The following ALK variants were observed in gnomAD, a reference collection of about 807,000 sequenced individuals.
ALK encodes the protein ALK receptor tyrosine kinase.
Under a neutral mutation model 163.1 loss-of-function variants are expected in ALK, and 74 were observed. That is an observed-to-expected ratio of 0.45 (90% CI 0.38 to 0.55). The LOEUF (loss-of-function observed/expected upper bound fraction) is 0.55, where lower values mean the gene tolerates loss of function less well. ALK is among the 20% of genes least tolerant of loss of function. ALK has a pLI of 0.00. For synonymous variants in ALK, 960 were observed against 843.2 expected, an observed-to-expected ratio of 1.14 and a Z score of -2.40; for missense variants, 2,063 against 2,105.3, an observed-to-expected ratio of 0.98 and a Z score of 0.39.
chr2:29,504,229 G>T (rs556190559), intron 4 of ALK, among the ~76,000 whole-genome samples: 1 of 152,178 alleles, frequency 6.6e-6, no homozygotes, highest in South Asian at 2.1e-4. Context: ...CCAGTGGCCA[G>T]GAGAAACAGA....
At chr2:29,845,465 G>GCT (rs1393674714) in intron 1 of ALK, among the ~76,000 whole-genome samples, 1 of 151,636 alleles carries the variant, frequency 6.6e-6, no homozygotes, top group East Asian at 1.9e-4. Flanking sequence ...ACAGAGTTTT[G>GCT]CTCGTGTCAC....
intron 3 of ALK, among the ~76,000 whole-genome samples, chr2:29,617,078 T>C (rs1317429456): frequency 6.6e-6 from 1 of 152,146 alleles, no homozygotes; most frequent in African/African-American, 2.4e-5. Context: ...CCTTCCCCTC[T>C]TTGAAAAGAA....
intron 1 of ALK, among the ~76,000 whole-genome samples, chr2:29,751,769 C>G (rs1680371967): frequency 6.6e-6 from 1 of 152,172 alleles, no homozygotes; most frequent in Non-Finnish European, 1.5e-5. Context: ...CAAGTGTCCA[C>G]CACGTCTTCA....
rs373764155 is a variant in ALK, at chr2:29,207,278, G to GGGA, written c.3837-9_3837-7dup. The GGGA allele has an allele frequency of 4.9e-4, 788 of 1,612,734 alleles. 2 individuals are homozygous for GGGA. In the African/African-American group the frequency reaches 9.2e-3, roughly 19 times the overall value. On this transcript the variant is annotated splice_region_variant and splice_polypyrimidine_tract_variant and intron_variant, in intron 25 of 28. Transcript: ENST00000389048. ...CCTTTCTATAGTAGCTCGCCCTGTG[G>GGGA]GGAAGGAGAGGAAAACCAAACTAGG...
chr2:29,571,595 C>T (rs184990266), intron 3 of ALK, among the ~76,000 whole-genome samples: 20 of 120,466 alleles, frequency 1.7e-4, no homozygotes, highest in African/African-American at 4.1e-4. Flanking sequence ...CTAGTCTTGG[C>T]TCATATCTTT....
Position 29,233,571 on chromosome 2 carries a change from T to C in ALK, c.2481A>G (p.Val827=). 6.2e-7 allele frequency: 1 copy of C among 1,614,192 alleles called. No individual in the cohort carries two copies. The stretch of plus-strand genomic sequence containing the variant: ...CTGGCAGCACACACCATACCTTAAA[T>C]ACGTAGGTGGCTCCACCCCCTCCTC... ...GGGGGGGATY[V]FKMKDGVPVP... Residue 827 remains valine (V), a synonymous_variant, in exon 14 of 29, where the codon GTA becomes GTG. Transcript: ENST00000389048.
intron 3 of ALK, among the ~76,000 whole-genome samples, chr2:29,551,538 G>A (rs1673713667): frequency 6.6e-6 from 1 of 152,058 alleles, no homozygotes; most frequent in Non-Finnish European, 1.5e-5. Flanking sequence ...TGATAACTGA[G>A]TAAGCAATAG....
chr2:29,527,523 T>G (rs1672987882), intron 4 of ALK, among the ~76,000 whole-genome samples: 1 of 152,090 alleles, frequency 6.6e-6, no homozygotes. Context: ...AGTTTGTTTT[T>G]TTGAGACAGG....
chr2:29,527,116 A>G (rs1199325879), intron 4 of ALK, among the ~76,000 whole-genome samples: 1 of 152,230 alleles, frequency 6.6e-6, no homozygotes, highest in Non-Finnish European at 1.5e-5. Context: ...CCACTTTAGA[A>G]GGTAAGAAGC....
At chr2:29,459,902 CCTGA>C (rs1232143682) in intron 4 of ALK, among the ~76,000 whole-genome samples, 1 of 152,136 alleles carries the variant, frequency 6.6e-6, no homozygotes, top group African/African-American at 2.4e-5. Flanking sequence ...TAAAAGCATT[CCTGA>C]CTGATATAGA....
chr2:29,192,847 A>G lies in ALK; in HGVS notation c.*377T>C, dbSNP rs921387642. On this transcript the variant is annotated 3_prime_UTR_variant, in exon 29 of 29. Coordinates refer to ENST00000389048, the MANE Select transcript of ALK (RefSeq NM_004304.5). ...TGGCTCATGTCCACATCAACAAGGC[A>G]AGGAAACATCTATGACCCCAACTAT... 5.3e-6 allele frequency: 2 copies of G among 379,470 alleles called. No homozygotes were observed. The highest frequency in any genetic ancestry group is 9.8e-6 in the Non-Finnish European group (2 of 204,928). 23.5% of individuals were successfully genotyped at this position (379,470 alleles called of 1,614,324 possible).
chr2:29,858,552 G>A (rs1279961212), intron 1 of ALK, among the ~76,000 whole-genome samples: 1 of 150,930 alleles, frequency 6.6e-6, no homozygotes, highest in Non-Finnish European at 1.5e-5. Flanking sequence ...GACCAACGTG[G>A]CGAAACTCCG....
intron 4 of ALK, among the ~76,000 whole-genome samples, chr2:29,441,457 G>A (rs1670543012): frequency 6.6e-6 from 1 of 152,214 alleles, no homozygotes; most frequent in Non-Finnish European, 1.5e-5. Flanking sequence ...AGGCCTGACT[G>A]GCAGGTTGTG....
At chr2:29,743,377 C>A (rs1680115140) in intron 1 of ALK, among the ~76,000 whole-genome samples, 1 of 152,176 alleles carries the variant, frequency 6.6e-6, no homozygotes, top group Non-Finnish European at 1.5e-5. Context: ...GTCTCCCATA[C>A]CACAGTCAGT....
At chr2:29,200,760 T>TGTGTATATATAC (rs1553389063) in intron 26 of ALK, among the ~76,000 whole-genome samples, 2 of 104,970 alleles carry the variant, frequency 1.9e-5, no homozygotes, top group Non-Finnish European at 3.5e-5. Context: ...TACGTATATA[T>TGTGTATATATAC]GTATATATAT....
chr2:29,522,651 G>T (rs1163301071), intron 4 of ALK, among the ~76,000 whole-genome samples: 1 of 152,074 alleles, frequency 6.6e-6, no homozygotes, highest in Non-Finnish European at 1.5e-5. Flanking sequence ...TCAGAGGAGG[G>T]GACATTGCAT....
intron 3 of ALK, among the ~76,000 whole-genome samples, chr2:29,673,082 T>C (rs1677755690): frequency 1.4e-5 from 2 of 138,870 alleles, no homozygotes; most frequent in Admixed American, 7.0e-5. Context: ...TATTAGCCCT[T>C]TGTCAGATGA....
chr2:29,834,537 G>A (rs1292209078), intron 1 of ALK, among the ~76,000 whole-genome samples: 1 of 152,172 alleles, frequency 6.6e-6, no homozygotes, highest in Non-Finnish European at 1.5e-5. Flanking sequence ...AGTTCTTAGT[G>A]AAGTTTGCTT....
intron 15 of ALK, 124 bp downstream of exon 15, chr2:29,232,180 A>G: frequency 1.5e-6 from 2 of 1,359,812 alleles, no homozygotes; most frequent in Non-Finnish European, 2.1e-6. Context: ...ATCGGTACCA[A>G]TATTCAGAGC....
Sources: allele counts gnomAD v4.1 joint callset (sites outside exome capture counted in the v4.1 genomes callset), GRCh38; gene constraint gnomAD v4.1.1; transcripts MANE v1.5; gene names NCBI Gene and HGNC (gene_info 2026-07-23, HGNC 2026-07-21).